Variants in PDE1A observed in about 807,000 individuals in gnomAD.
The protein encoded by PDE1A is dual specificity calcium/calmodulin-dependent 3',5'-cyclic nucleotide phosphodiesterase 1A.
Under a neutral mutation model 61.7 loss-of-function variants are expected in PDE1A, and 35 were observed. That is an observed-to-expected ratio of 0.57 (90% CI 0.43 to 0.75). PDE1A has a LOEUF of 0.75. Among genes scored for constraint, PDE1A ranks in the 30% least tolerant of loss-of-function variants. PDE1A has a pLI of 0.00. For synonymous variants in PDE1A, 232 were observed against 213.2 expected (o/e 1.09, Z -0.77); for missense variants, 597 against 630.6 (o/e 0.95, Z 0.57).
rs181933070 is a variant in PDE1A at position 182,238,159 on chromosome 2, C to G, written c.350+1951G>C. ...TTGCGGGTGCCTGTAGTCCCAGCTA[C>G]TCGGGAGGCTGAGGCAGGAGAATCA... On this transcript the variant is annotated intron_variant, in intron 3 of 13. Coordinates refer to ENST00000351439, the Ensembl canonical transcript of PDE1A. 6.9e-3 allele frequency among the ~76,000 whole-genome samples: 1,042 copies of G among 150,990 alleles called. 10 individuals carry two copies. Among genetic ancestry groups the G allele is most frequent in the South Asian group, 0.031 (146 of 4,756 alleles).
intron 1 of PDE1A, among the ~76,000 whole-genome samples, chr2:182,397,293 T>C (rs1159864162): frequency 2.0e-5 from 3 of 152,172 alleles, no homozygotes; most frequent in African/African-American, 7.2e-5. Flanking sequence ...TATTATTATA[T>C]ATTTCTGTTC....
upstream of PDE1A, among the ~76,000 whole-genome samples, chr2:182,527,322 AAAAAAATATATATATATATATAT>A (rs1671323315): frequency 4.7e-5 from 2 of 42,170 alleles, no homozygotes; most frequent in African/African-American, 9.6e-5. Flanking sequence ...AAAAAAAAAA[AAAAAAATATATATATATATATAT>A]ATATATATAT....
the PDE1A span, among the ~76,000 whole-genome samples, chr2:182,538,240 T>C: frequency 1.3e-5 from 2 of 152,126 alleles, no homozygotes; most frequent in Non-Finnish European, 1.5e-5. Context: ...CATTTCCCTG[T>C]TTTTACTTGT....
intron 1 of PDE1A, among the ~76,000 whole-genome samples, chr2:182,416,336 G>T (rs1702916901): frequency 6.6e-6 from 1 of 152,156 alleles, no homozygotes; most frequent in South Asian, 2.1e-4. Context: ...TTAAAATGCT[G>T]CCAAATGGGT....
At chr2:182,693,511 A>C in the PDE1A span, among the ~76,000 whole-genome samples, 2 of 152,132 alleles carry the variant, frequency 1.3e-5, no homozygotes, top group Non-Finnish European at 2.9e-5. Context: ...CAATTGGGTT[A>C]CTTGGTTGAT....
exon 13 of PDE1A, chr2:182,185,985 A>T (rs1406055442): frequency 6.2e-7 from 1 of 1,614,044 alleles, no homozygotes; most frequent in African/African-American, 1.3e-5. Context: ...GCTGCAAGGG[A>T]GTAGTCTGGG....
chr2:182,342,982 CAT>C (rs1164244076), intron 1 of PDE1A, among the ~76,000 whole-genome samples: 1 of 152,178 alleles, frequency 6.6e-6, no homozygotes, highest in Non-Finnish European at 1.5e-5. Flanking sequence ...CATGCGTTCA[CAT>C]ATGTTTGTGT....
intron 1 of PDE1A, among the ~76,000 whole-genome samples, chr2:182,415,590 G>C (rs1028231282): frequency 7.2e-5 from 11 of 152,210 alleles, no homozygotes; most frequent in South Asian, 6.2e-4. Flanking sequence ...CTTCTGTTTA[G>C]AAACACTTTC....
intron 13 of PDE1A, among the ~76,000 whole-genome samples, chr2:182,176,149 G>T (rs1692755736): frequency 6.7e-6 from 1 of 148,574 alleles, no homozygotes; most frequent in Admixed American, 6.6e-5. Context: ...TTTGGCTTAG[G>T]ATTGACTTGG....
chr2:182,692,418 G>T, the PDE1A span, among the ~76,000 whole-genome samples: 8 of 151,506 alleles, frequency 5.3e-5, no homozygotes, highest in African/African-American at 1.9e-4. Flanking sequence ...CTATTGCAAG[G>T]ATAAAAAACC....
chr2:182,572,790 A>C, the PDE1A span, among the ~76,000 whole-genome samples: 2 of 148,338 alleles, frequency 1.3e-5, no homozygotes, highest in African/African-American at 5.0e-5. Context: ...AATGGTGTGA[A>C]CCCGGGAGGC....
At chr2:182,303,507 G>A (rs956600593) in intron 1 of PDE1A, among the ~76,000 whole-genome samples, 45 of 152,132 alleles carry the variant, frequency 3.0e-4, no homozygotes, top group African/African-American at 8.5e-4. Flanking sequence ...AGGCTTGATC[G>A]TTCCATTTCT....
At chr2:182,710,815 A>G in the PDE1A span, among the ~76,000 whole-genome samples, 1 of 152,208 alleles carries the variant, frequency 6.6e-6, no homozygotes, top group Non-Finnish European at 1.5e-5. Context: ...TGCAATGAAC[A>G]TGAGTTCCAC....
intron 8 of PDE1A, 103 bp from the exon 9 acceptor site, chr2:182,201,892 G>T: frequency 2.8e-6 from 2 of 703,072 alleles, no homozygotes; most frequent in South Asian, 1.9e-5. Flanking sequence ...GTTCTTAATG[G>T]ATATGAACAC....
At chr2:182,260,871 T>C (rs1051349068) in intron 2 of PDE1A, among the ~76,000 whole-genome samples, 2 of 152,052 alleles carry the variant, frequency 1.3e-5, no homozygotes, top group African/African-American at 2.4e-5. Context: ...TTGCACTTCA[T>C]AGCCCAAGCC....
the PDE1A span, among the ~76,000 whole-genome samples, chr2:182,577,986 AAGGAAG>A: frequency 7.4e-6 from 1 of 134,706 alleles, no homozygotes; most frequent in Non-Finnish European, 1.6e-5. Context: ...GGAAGGAAGG[AAGGAAG>A]GGACGGAGGG....
chr2:182,298,012 G>A (rs1026554175), intron 1 of PDE1A, among the ~76,000 whole-genome samples: 1 of 152,174 alleles, frequency 6.6e-6, no homozygotes, highest in Non-Finnish European at 1.5e-5. Flanking sequence ...CTTATATTAA[G>A]TAGCAGATAC....
intron 6 of PDE1A, among the ~76,000 whole-genome samples, chr2:182,225,123 G>A (rs970758617): frequency 1.3e-5 from 2 of 149,736 alleles, no homozygotes; most frequent in African/African-American, 2.4e-5. Context: ...TTGGGAAAAG[G>A]CTGGAAAAAG....
At chr2:182,567,052 A>G in the PDE1A span, among the ~76,000 whole-genome samples, 1 of 152,182 alleles carries the variant, frequency 6.6e-6, no homozygotes, top group Non-Finnish European at 1.5e-5. Flanking sequence ...TAGTTACTTT[A>G]TTTATTAGTA....
Sources: allele counts gnomAD v4.1 joint callset (sites outside exome capture counted in the v4.1 genomes callset), GRCh38; gene constraint gnomAD v4.1.1; transcripts MANE v1.5; gene names NCBI Gene and HGNC (gene_info 2026-07-23, HGNC 2026-07-21).